Variants in IQSEC1 observed in about 807,000 individuals in gnomAD.
IQSEC1 encodes IQ motif and SEC7 domain-containing protein 1.
IQSEC1 carries 31 observed loss-of-function variants against 91.0 expected under a neutral mutation model. The observed-to-expected ratio is 0.34, with a 90% CI of 0.26 to 0.46. The LOEUF is 0.46. IQSEC1 is among the 20% of genes least tolerant of loss of function. IQSEC1 has a pLI of 1.00. For missense variants in IQSEC1, 1,388 were observed against 1,575.6 expected (o/e 0.88, Z 2.02); for synonymous variants, 699 against 662.6 (o/e 1.05, Z -0.84).
At chr3:13,209,194 T>C (rs1406605338) in intron 1 of IQSEC1, among the ~76,000 whole-genome samples, 1 of 152,194 alleles carries the variant, frequency 6.6e-6, no homozygotes, top group Non-Finnish European at 1.5e-5. Context: ...GCAAGAGGCA[T>C]GCAGCCCACA....
In IQSEC1 at chr3:13,071,451, G is replaced by C. The variant is rs113980586; in HGVS notation, c.23+1541C>G. ...CCGATGTAACAGCCCTGAGAGTTTA[G>C]AATTTCTCTGGCATCAGGCTCCTGG... On this transcript the variant is annotated intron_variant, in intron 1 of 13. Transcript: ENST00000613206. 2.3e-3 allele frequency among the ~76,000 whole-genome samples: 343 copies of C among 152,268 alleles called. 1 individual carries two copies. Among genetic ancestry groups the C allele is most frequent in the Non-Finnish European group, 3.8e-3 (258 of 68,022 alleles).
chr3:12,916,637 C>G (rs982834967), intron 6 of IQSEC1, among the ~76,000 whole-genome samples: 2 of 152,232 alleles, frequency 1.3e-5, no homozygotes, highest in African/African-American at 2.4e-5. Context: ...ATGACAAGTT[C>G]TAGCACCCTC....
chr3:13,116,849 G>T (rs763637685), intron 2 of IQSEC1, among the ~76,000 whole-genome samples: 31 of 152,074 alleles, frequency 2.0e-4, no homozygotes, highest in Non-Finnish European at 1.5e-5. Flanking sequence ...ATGGGCCAAA[G>T]ACCTAAGTGT....
intron 1 of IQSEC1, among the ~76,000 whole-genome samples, chr3:13,021,277 A>C (rs1231991833): frequency 6.6e-6 from 1 of 152,140 alleles, no homozygotes; most frequent in Non-Finnish European, 1.5e-5. Context: ...GCGATCACAG[A>C]TGGTGTCCCC....
In IQSEC1 at chr3:12,898,092, G is replaced by A. The variant is rs1693829230; in HGVS notation, c.*2891C>T. 1 of 152,256 alleles carries A rather than the reference G, an allele frequency of 6.6e-6. No individual in the cohort carries two copies. The highest frequency in any genetic ancestry group is 1.5e-5 in the Non-Finnish European group (1 of 68,052). 9.4% of individuals were successfully genotyped at this position (152,256 alleles called of 1,614,324 possible). ...AAGGTGTGCCAAGGGCGTCCTCACA[G>A]TGAGAAGGGACCAGGCAGACATCCT... On this transcript the variant is annotated 3_prime_UTR_variant, in exon 14 of 14. Transcript: ENST00000613206.
At chr3:12,928,806 C>T (rs537382305) in intron 3 of IQSEC1, among the ~76,000 whole-genome samples, 8 of 152,260 alleles carry the variant, frequency 5.3e-5, no homozygotes, top group South Asian at 2.1e-4. Flanking sequence ...TTTACTTTCC[C>T]GCCTGCCCTG....
chr3:13,133,356 C>T (rs1706652865), intron 2 of IQSEC1, among the ~76,000 whole-genome samples: 3 of 152,234 alleles, frequency 2.0e-5, no homozygotes. Context: ...GTCACACTCT[C>T]TGCCCTTTTT....
chr3:12,962,221 C>A (rs931161392), intron 1 of IQSEC1, among the ~76,000 whole-genome samples: 1 of 152,218 alleles, frequency 6.6e-6, no homozygotes, highest in Non-Finnish European at 1.5e-5. Flanking sequence ...ATAAGGACAA[C>A]AATGATCACA....
upstream of IQSEC1, among the ~76,000 whole-genome samples, chr3:13,077,655 TAAC>T (rs1705583652): frequency 6.6e-6 from 1 of 152,162 alleles, no homozygotes; most frequent in African/African-American, 2.4e-5. Flanking sequence ...AGGGCCCTCC[TAAC>T]ATCTCTGCCC....
chr3:13,174,408 C>T (rs1408701701), intron 1 of IQSEC1, among the ~76,000 whole-genome samples: 2 of 152,168 alleles, frequency 1.3e-5, no homozygotes, highest in Admixed American at 6.5e-5. Flanking sequence ...GCCTCCTGAG[C>T]TCACCTTTAG....
At chr3:13,026,339 C>T (rs1703611922) in intron 1 of IQSEC1, among the ~76,000 whole-genome samples, 1 of 152,222 alleles carries the variant, frequency 6.6e-6, no homozygotes, top group Non-Finnish European at 1.5e-5. Context: ...GCACACAGCC[C>T]CATCACGGGC....
chr3:13,263,248 CAAACAAAACAAAACA>C (rs72372132), intron 1 of IQSEC1, among the ~76,000 whole-genome samples: 1 of 150,860 alleles, frequency 6.6e-6, no homozygotes, highest in Admixed American at 6.6e-5. Flanking sequence ...GACCCTGTCT[CAAACAAAACAAAACA>C]AAACAAAACA....
chr3:13,008,090 G>A lies in IQSEC1; in HGVS notation c.23+64902C>T, dbSNP rs902372486. 1.3e-5 allele frequency among the ~76,000 whole-genome samples: 2 copies of A among 152,164 alleles called. No homozygotes were observed. Among genetic ancestry groups the A allele is most frequent in the African/African-American group, 4.8e-5 (2 of 41,434 alleles). ...ACCCCAGGGAGGGGCCAGGTGCCTG[G>A]CCTTCTGAGTGTCTGTACCTGAAGA... On this transcript the variant is annotated intron_variant, in intron 1 of 13. Transcript: ENST00000613206. The surrounding 1 kb of genome is among the most constrained non-coding windows in gnomAD (Gnocchi z 4.1).
At chr3:13,258,114 G>A (rs896748073) in intron 1 of IQSEC1, among the ~76,000 whole-genome samples, 1 of 152,220 alleles carries the variant, frequency 6.6e-6, no homozygotes, top group African/African-American at 2.4e-5. Flanking sequence ...TTTGCGGGGG[G>A]CGGGGGCAGA....
At chr3:13,079,482 G>A (rs1705616001) in intron 2 of IQSEC1, among the ~76,000 whole-genome samples, 2 of 152,210 alleles carry the variant, frequency 1.3e-5, no homozygotes, top group Non-Finnish European at 1.5e-5. Flanking sequence ...TGGGACTCTG[G>A]GGGAGCCAGG....
At chr3:13,272,670 G>GT (rs1030341410) in intron 1 of IQSEC1, among the ~76,000 whole-genome samples, 8 of 152,214 alleles carry the variant, frequency 5.3e-5, no homozygotes, top group Admixed American at 3.3e-4. Context: ...GCTGAGCTGG[G>GT]TAAGAGTAAA....
intron 1 of IQSEC1, among the ~76,000 whole-genome samples, chr3:13,175,745 G>C (rs910773099): frequency 6.6e-6 from 1 of 152,248 alleles, no homozygotes; most frequent in East Asian, 1.9e-4. Context: ...GGGATCTGGC[G>C]AGGGCCACTT....
At chr3:13,042,733 C>T (rs956164462) in intron 1 of IQSEC1, among the ~76,000 whole-genome samples, 1 of 152,118 alleles carries the variant, frequency 6.6e-6, no homozygotes, top group African/African-American at 2.4e-5. Context: ...GATGCTAGGG[C>T]TCCTGACGGT....
intron 2 of IQSEC1, among the ~76,000 whole-genome samples, chr3:13,128,867 ACT>A (rs1706561476): frequency 8.1e-6 from 1 of 124,066 alleles, no homozygotes; most frequent in East Asian, 2.3e-4. Context: ...ACAGAGCAAG[ACT>A]CTGTCTCAAA....
Sources: gnomAD v4.1 joint callset for allele counts (sites outside exome capture counted in the v4.1 genomes callset) on GRCh38, gnomAD v4.1.1 for gene constraint, Gnocchi (gnomAD v3.1) non-coding constraint, MANE v1.5 for transcripts, NCBI Gene and HGNC (gene_info 2026-07-23, HGNC 2026-07-21) for gene names.